The following DNM3 variants were observed in gnomAD, a reference collection of about 807,000 sequenced individuals.
DNM3 encodes the protein dynamin-3.
In DNM3, 47 loss-of-function variants were observed where a neutral mutation model predicts 101.6. That is an observed-to-expected ratio of 0.46 (90% CI 0.37 to 0.59). The LOEUF (loss-of-function observed/expected upper bound fraction) is 0.59, where lower values mean the gene tolerates loss of function less well. Ranked by LOEUF, DNM3 falls within the 20% of genes least tolerant of loss-of-function variation. DNM3 has a pLI of 0.00. For synonymous variants in DNM3, 385 were observed against 387.9 expected (o/e 0.99, Z 0.09); for missense variants, 849 against 1,085.7 (o/e 0.78, Z 3.06).
At chr1:172,225,008 G>A (rs1302013986) in intron 14 of DNM3, among the ~76,000 whole-genome samples, 2 of 152,042 alleles carry the variant, frequency 1.3e-5, no homozygotes, top group South Asian at 2.1e-4. Context: ...TCAGAGAAGC[G>A]ACATGATGTG....
At chr1:171,896,864 A>C (rs1448293363) in intron 1 of DNM3, among the ~76,000 whole-genome samples, 2 of 152,200 alleles carry the variant, frequency 1.3e-5, no homozygotes. Flanking sequence ...TTTTAGGCAG[A>C]GTTAACAATG....
intron 15 of DNM3, among the ~76,000 whole-genome samples, chr1:172,291,261 CGCAT>C (rs2063902360): frequency 6.8e-6 from 1 of 146,084 alleles, no homozygotes; most frequent in Non-Finnish European, 1.5e-5. Context: ...TGTGTGCACA[CGCAT>C]ACATGTGCGT....
intron 14 of DNM3, among the ~76,000 whole-genome samples, chr1:172,157,399 G>A (rs1439847648): frequency 1.3e-5 from 2 of 152,090 alleles, no homozygotes; most frequent in African/African-American, 4.8e-5. Flanking sequence ...GACTGGTACT[G>A]CGTTCGTGGT....
chr1:172,115,465 CA>C (rs1191541873), intron 13 of DNM3, among the ~76,000 whole-genome samples: 2 of 152,166 alleles, frequency 1.3e-5, no homozygotes, highest in Non-Finnish European at 2.9e-5. Context: ...CTTCCCTGTT[CA>C]AAACCCTCTA....
At chr1:172,263,207 C>T (rs1292483644) in intron 15 of DNM3, among the ~76,000 whole-genome samples, 2 of 152,136 alleles carry the variant, frequency 1.3e-5, no homozygotes, top group African/African-American at 4.8e-5. Flanking sequence ...ACCTTTGATT[C>T]AGTGTGTATA....
chr1:172,091,234 G>A (rs1421616533), intron 12 of DNM3, among the ~76,000 whole-genome samples: 1 of 152,128 alleles, frequency 6.6e-6, no homozygotes, highest in Non-Finnish European at 1.5e-5. Context: ...CAGGCCCTGG[G>A]GATATAGCAG....
intron 2 of DNM3, among the ~76,000 whole-genome samples, chr1:171,935,831 G>A (rs1020433572): frequency 7.9e-6 from 1 of 126,886 alleles, no homozygotes; most frequent in African/African-American, 2.8e-5. Flanking sequence ...CATTTACCAG[G>A]ACACCACTAA....
rs1218588360 is a variant in DNM3 at position 171,922,913 on chromosome 1, G to T, written c.235+1092G>T. ...TTTTATGGCCTAATAATATTCCATT[G>T]TCTGGATAGATCACATTTTGTTTGT... On this transcript the variant is annotated intron_variant, in intron 2 of 20. Coordinates refer to ENST00000627582, the MANE Select transcript of DNM3 (RefSeq NM_015569.5). 3.9e-5 allele frequency among the ~76,000 whole-genome samples: 6 copies of T among 152,204 alleles called. No homozygotes were observed. The South Asian group carries it at 6.2e-4, about 16-fold the overall frequency.
chr1:172,306,945 A>T (rs1236324342), intron 15 of DNM3, among the ~76,000 whole-genome samples: 1 of 152,220 alleles, frequency 6.6e-6, no homozygotes, highest in African/African-American at 2.4e-5. Flanking sequence ...CCTAGGCAAT[A>T]CCATTCAGGA....
intron 20 of DNM3, among the ~76,000 whole-genome samples, chr1:172,396,003 G>A (rs1268837200): frequency 4.6e-5 from 7 of 152,204 alleles, no homozygotes; most frequent in Non-Finnish European, 8.8e-5. Flanking sequence ...TCCTACACAA[G>A]GCAAGAAGTC....
chr1:171,936,710 T>A (rs1227296124), intron 2 of DNM3, among the ~76,000 whole-genome samples: 2 of 152,224 alleles, frequency 1.3e-5, no homozygotes, highest in Admixed American at 6.5e-5. Context: ...GGTGTCCATG[T>A]TTTAAAATTT....
chr1:171,863,323 AG>A (rs1379039994), intron 1 of DNM3, among the ~76,000 whole-genome samples: 6 of 152,074 alleles, frequency 3.9e-5, no homozygotes, highest in African/African-American at 1.2e-4. Context: ...GCAGACAAGA[AG>A]GGTGTATAGA....
chr1:172,063,856 T>C (rs1282145361), intron 10 of DNM3, among the ~76,000 whole-genome samples: 1 of 152,116 alleles, frequency 6.6e-6, no homozygotes. Flanking sequence ...ATAATAAATG[T>C]ATAGCTTTGA....
intron 2 of DNM3, among the ~76,000 whole-genome samples, chr1:171,935,952 G>A (rs527968160): frequency 2.9e-4 from 44 of 151,150 alleles, no homozygotes; most frequent in Admixed American, 1.3e-3. Flanking sequence ...CACATTTAAC[G>A]TATTACAGTG....
At chr1:172,278,320 A>G (rs890712138) in intron 15 of DNM3, among the ~76,000 whole-genome samples, 5 of 152,124 alleles carry the variant, frequency 3.3e-5, no homozygotes, top group Admixed American at 1.3e-4. Flanking sequence ...ACAATATGTA[A>G]TGCAGGGGTG....
intron 13 of DNM3, among the ~76,000 whole-genome samples, chr1:172,124,989 C>T (rs764119043): frequency 1.3e-5 from 2 of 152,160 alleles, no homozygotes; most frequent in African/African-American, 2.4e-5. Context: ...TGCCTGTGCT[C>T]GCAAAGGTAG....
At chr1:172,199,915 A>T (rs1364517132) in intron 14 of DNM3, among the ~76,000 whole-genome samples, 1 of 145,904 alleles carries the variant, frequency 6.9e-6, no homozygotes, top group Non-Finnish European at 1.6e-5. Flanking sequence ...ATTCCAGGTT[A>T]GTATTGATAT....
intron 10 of DNM3, among the ~76,000 whole-genome samples, chr1:172,067,396 A>T (rs1409063569): frequency 6.6e-6 from 1 of 152,102 alleles, no homozygotes; most frequent in East Asian, 1.9e-4. Context: ...TTTCCATTCC[A>T]TCTGAATTGC....
intron 4 of DNM3, among the ~76,000 whole-genome samples, chr1:172,018,569 C>T (rs12403863): frequency 0.28 from 42,963 of 151,934 alleles, 7,307 homozygotes; most frequent in African/African-American, 0.47. Context: ...CAATTACAAC[C>T]CCATTGTAAA....
Sources: gnomAD v4.1 joint callset for allele counts (sites outside exome capture counted in the v4.1 genomes callset) on GRCh38, gnomAD v4.1.1 for gene constraint, MANE v1.5 for transcripts, NCBI Gene and HGNC (gene_info 2026-07-23, HGNC 2026-07-21) for gene names.